MACROD2: variants seen among roughly 807,000 people sequenced by gnomAD.
The protein encoded by MACROD2 is mono-ADP ribosylhydrolase 2, also known as ADP-ribose glycohydrolase MACROD2.
In MACROD2, 36 loss-of-function variants were observed where a neutral mutation model predicts 70.4. That is an observed-to-expected ratio of 0.51 (90% confidence interval 0.39 to 0.68). The LOEUF (loss-of-function observed/expected upper bound fraction) is 0.68. MACROD2 is among the 30% of genes least tolerant of loss of function. The pLI is 0.00. For missense variants in MACROD2, 496 were observed against 538.4 expected (o/e 0.92, Z 0.78); for synonymous variants, 172 against 178.8 (o/e 0.96, Z 0.30).
intron 3 of MACROD2, among the ~76,000 whole-genome samples, chr20:14,214,903 C>T (rs1343192739): frequency 6.6e-6 from 1 of 151,742 alleles, no homozygotes; most frequent in African/African-American, 2.4e-5. Context: ...AGTCTCCAGT[C>T]TCATTCAGGT....
At chr20:14,251,651 C>A (rs2082013499) in intron 3 of MACROD2, among the ~76,000 whole-genome samples, 1 of 152,058 alleles carries the variant, frequency 6.6e-6, no homozygotes, top group Non-Finnish European at 1.5e-5. Context: ...AAATGTCTGC[C>A]TCTGAAGCCA....
At chr20:15,285,060 A>G (rs983267531) in intron 6 of MACROD2, among the ~76,000 whole-genome samples, 1 of 143,168 alleles carries the variant, frequency 7.0e-6, no homozygotes, top group Non-Finnish European at 1.5e-5. Context: ...AGAAAATAAT[A>G]TTACAAAACT....
intron 2 of MACROD2, among the ~76,000 whole-genome samples, chr20:14,078,090 C>T (rs1320201724): frequency 5.3e-5 from 8 of 151,534 alleles, no homozygotes; most frequent in Admixed American, 4.6e-4. Context: ...TTAGTATAGA[C>T]GGGGTTTCTC....
intron 5 of MACROD2, among the ~76,000 whole-genome samples, chr20:14,933,240 A>G (rs2074311924): frequency 6.6e-6 from 1 of 152,176 alleles, no homozygotes; most frequent in Admixed American, 6.5e-5. Context: ...ACAATCATAG[A>G]AACAGATAAC....
rs1555795271 is a variant in MACROD2, at chr20:15,233,983, T to TTTTATA, written c.540+3923_540+3924insTTATAT. Among the ~76,000 whole-genome samples the TTTTATA allele has an allele frequency of 2.0e-4, 9 of 44,020 alleles. 2 individuals are homozygous for TTTTATA. Among genetic ancestry groups the TTTTATA allele is most frequent in the African/African-American group, 7.2e-4 (8 of 11,072 alleles). The allele number at this position is 44,020 out of a possible 152,430, so 28.9% of individuals were successfully genotyped here. A position where few individuals can be genotyped will look rare whatever the true frequency, so the allele number is the denominator to read the frequency against. On this transcript the variant is annotated intron_variant, in intron 6 of 17. Transcript: ENST00000684519. ...AAAATTTATTTTTATATATATTTAT[T>TTTTATA]TATATATATATATATATATATATAT...
intron 5 of MACROD2, among the ~76,000 whole-genome samples, chr20:15,207,368 C>T (rs1481928496): frequency 6.7e-6 from 1 of 149,010 alleles, no homozygotes; most frequent in African/African-American, 2.5e-5. Flanking sequence ...TTAATTTTAT[C>T]ATTTGAAACA....
intron 4 of MACROD2, among the ~76,000 whole-genome samples, chr20:14,670,745 A>C (rs1430336966): frequency 1.3e-5 from 2 of 152,154 alleles, no homozygotes; most frequent in Non-Finnish European, 2.9e-5. Context: ...TTGAATGAGA[A>C]GTAGTTCAGG....
intron 3 of MACROD2, among the ~76,000 whole-genome samples, chr20:14,176,351 A>G (rs1423571355): frequency 6.6e-6 from 1 of 152,200 alleles, no homozygotes; most frequent in East Asian, 1.9e-4. Context: ...TTTACTACTT[A>G]GTTTTACATA....
intron 4 of MACROD2, among the ~76,000 whole-genome samples, chr20:14,569,380 G>A (rs1980034375): frequency 6.6e-6 from 1 of 151,794 alleles, no homozygotes; most frequent in South Asian, 2.1e-4. Flanking sequence ...AAATACATTG[G>A]CTAATAGTAT....
At position 15,088,593 on chromosome 20, in the gene MACROD2, TGA is replaced by T. The variant is rs2075770737; in HGVS notation, c.419-141343_419-141342del. ...GAATCGATGAATAAGGAAGAAAAAG[TGA>T]GAGGATACAAATAAGGAAATGAACA... On this transcript the variant is annotated intron_variant, in intron 5 of 17. Transcript: ENST00000684519. 3.3e-5 allele frequency among the ~76,000 whole-genome samples: 5 copies of T among 151,326 alleles called. No individual in the cohort carries two copies. The South Asian group carries it at 8.3e-4, about 25-fold the overall frequency.
At chr20:15,775,757 T>C (rs2051711176) in intron 8 of MACROD2, among the ~76,000 whole-genome samples, 1 of 152,140 alleles carries the variant, frequency 6.6e-6, no homozygotes, top group Non-Finnish European at 1.5e-5. Flanking sequence ...AGAAATCAAA[T>C]AATGAGGCAG....
intron 5 of MACROD2, among the ~76,000 whole-genome samples, chr20:14,922,471 T>C (rs906156969): frequency 3.3e-5 from 5 of 152,214 alleles, no homozygotes; most frequent in Admixed American, 6.5e-5. Flanking sequence ...TTCCAAATTA[T>C]TTTATTGTTA....
chr20:14,316,322 C>T (rs1448302454), intron 3 of MACROD2, among the ~76,000 whole-genome samples: 1 of 152,216 alleles, frequency 6.6e-6, no homozygotes, highest in African/African-American at 2.4e-5. Context: ...GAAAAAGTCA[C>T]ATCTCCCCAT....
intron 3 of MACROD2, among the ~76,000 whole-genome samples, chr20:14,466,883 G>A (rs903082381): frequency 1.2e-4 from 19 of 152,046 alleles, no homozygotes; most frequent in Admixed American, 3.3e-4. Context: ...CTGCCTGATC[G>A]TTCCTCTGGA....
intron 5 of MACROD2, among the ~76,000 whole-genome samples, chr20:14,702,416 A>G (rs1462613752): frequency 2.0e-5 from 3 of 151,276 alleles, no homozygotes; most frequent in African/African-American, 7.3e-5. Flanking sequence ...GTGTTCTTAT[A>G]TTTCTACCAG....
chr20:14,263,510 C>T (rs2082117543), intron 3 of MACROD2, among the ~76,000 whole-genome samples: 1 of 152,076 alleles, frequency 6.6e-6, no homozygotes. Flanking sequence ...TTTCAGTCTC[C>T]TGCTGGTGCC....
At chr20:15,839,015 T>A (rs186447642) in intron 8 of MACROD2, among the ~76,000 whole-genome samples, 1 of 152,278 alleles carries the variant, frequency 6.6e-6, no homozygotes, top group African/African-American at 2.4e-5. Flanking sequence ...GATATAGACA[T>A]ATGCACTGTC....
chr20:14,774,815 C>T (rs1165974671), intron 5 of MACROD2, among the ~76,000 whole-genome samples: 1 of 152,054 alleles, frequency 6.6e-6, no homozygotes, highest in Admixed American at 6.6e-5. Flanking sequence ...AGTTTTCATA[C>T]TTTTTGAATT....
chr20:14,776,943 C>G (rs1404667189), intron 5 of MACROD2, among the ~76,000 whole-genome samples: 1 of 152,026 alleles, frequency 6.6e-6, no homozygotes, highest in Non-Finnish European at 1.5e-5. Context: ...TTCTTTTAGT[C>G]AAGATAATGG....
Sources: gnomAD v4.1 joint callset for allele counts (sites outside exome capture counted in the v4.1 genomes callset) on GRCh38, gnomAD v4.1.1 for gene constraint, MANE v1.5 for transcripts, NCBI Gene and HGNC (gene_info 2026-07-23, HGNC 2026-07-21) for gene names.